Variants in EPB41L2 observed in about 807,000 individuals in gnomAD.
EPB41L2 encodes erythrocyte membrane protein band 4.1 like 2, also known as band 4.1-like protein 2.
Under a neutral mutation model 113.0 loss-of-function variants are expected in EPB41L2, and 43 were observed. That is an observed-to-expected ratio of 0.38 (90% CI 0.30 to 0.49). The LOEUF is 0.49. Ranked by LOEUF, EPB41L2 falls within the 20% of genes least tolerant of loss-of-function variation. The probability of loss-of-function intolerance (pLI) is 0.95; values close to 1 mark genes in which losing one functional copy is unlikely to be tolerated. For synonymous variants in EPB41L2, 442 were observed against 436.7 expected (o/e 1.01, Z -0.15); for missense variants, 1,147 against 1,223.4 (o/e 0.94, Z 0.93).
chr6:130,855,555 T>C (rs1291190686), intron 19 of EPB41L2, among the ~76,000 whole-genome samples: 3 of 152,162 alleles, frequency 2.0e-5, no homozygotes, highest in East Asian at 1.9e-4. Flanking sequence ...TTGCTAGATA[T>C]AAGATAAATA....
At position 130,870,073 on chromosome 6, in the gene EPB41L2, C is replaced by T; in HGVS notation, c.2097G>A (p.Gly699=). Residue 699 remains glycine, a synonymous_variant, in exon 15 of 20, where the codon GGG becomes GGA. Transcript: ENST00000337057. ...IVEEKKRAEV[G]KDERVITEEM... ...CTTCTGTGATTACTCTTTCGTCTTTCCCAACCTCTGCCCGCTTCTTCTCCT... is the reference window on the plus strand; with the variant it reads ...CTTCTGTGATTACTCTTTCGTCTTTTCCAACCTCTGCCCGCTTCTTCTCCT... The T allele has an allele frequency of 6.2e-7, 1 of 1,614,046 alleles. No homozygotes were observed. Among genetic ancestry groups the T allele is most frequent in the South Asian group, 1.1e-5 (1 of 91,060 alleles).
chr6:131,062,802 C>T (rs1016181895), intron 1 of EPB41L2, among the ~76,000 whole-genome samples: 1 of 151,994 alleles, frequency 6.6e-6, no homozygotes, highest in Non-Finnish European at 1.5e-5. Flanking sequence ...GTGCCCCCGC[C>T]TTTCCTGGCT....
chr6:130,962,389 T>C (rs2128635324), intron 1 of EPB41L2, among the ~76,000 whole-genome samples: 1 of 152,280 alleles, frequency 6.6e-6, no homozygotes, highest in African/African-American at 2.4e-5. Context: ...AAGTAAGTCC[T>C]TACCCTCACA....
chr6:130,974,318 G>A (rs2327004), intron 1 of EPB41L2, among the ~76,000 whole-genome samples: 1 of 152,150 alleles, frequency 6.6e-6, no homozygotes, highest in Admixed American at 6.5e-5. Context: ...ACAACTTAGA[G>A]TAACTGTGAG....
intron 1 of EPB41L2, among the ~76,000 whole-genome samples, chr6:130,964,025 CCT>C: frequency 6.8e-6 from 1 of 146,114 alleles, no homozygotes; most frequent in African/African-American, 2.7e-5. Context: ...CTTTTCTTTT[CCT>C]TTTTTTTTTT....
intron 1 of EPB41L2, among the ~76,000 whole-genome samples, chr6:130,977,107 G>A (rs1007199453): frequency 2.0e-5 from 3 of 152,098 alleles, no homozygotes; most frequent in South Asian, 2.1e-4. Flanking sequence ...GCTACCACTC[G>A]GTCATAATGA....
At chr6:131,060,833 T>G (rs1798508299) in intron 1 of EPB41L2, among the ~76,000 whole-genome samples, 2 of 152,190 alleles carry the variant, frequency 1.3e-5, no homozygotes, top group Admixed American at 1.3e-4. Context: ...TCCCCTAAAT[T>G]AAATTTGCTT....
At chr6:130,955,603 A>G (rs1047201585) in intron 2 of EPB41L2, among the ~76,000 whole-genome samples, 1 of 152,200 alleles carries the variant, frequency 6.6e-6, no homozygotes, top group Non-Finnish European at 1.5e-5. Context: ...AACATTTCCA[A>G]TTAAAATCTT....
intron 1 of EPB41L2, among the ~76,000 whole-genome samples, chr6:131,010,312 T>C (rs980358240): frequency 3.9e-5 from 6 of 152,104 alleles, no homozygotes; most frequent in African/African-American, 1.4e-4. Flanking sequence ...GAATTCCAGG[T>C]GCTACAAGAG....
intron 1 of EPB41L2, among the ~76,000 whole-genome samples, chr6:131,032,694 G>A (rs1792430222): frequency 6.6e-6 from 1 of 152,132 alleles, no homozygotes; most frequent in South Asian, 2.1e-4. Flanking sequence ...GTTAAAAACT[G>A]TATGAAAGAG....
At chr6:131,058,200 T>C (rs1453206959) in intron 1 of EPB41L2, among the ~76,000 whole-genome samples, 1 of 83,132 alleles carries the variant, frequency 1.2e-5, no homozygotes, top group African/African-American at 4.9e-5. Context: ...ATTGCAATCT[T>C]TGAAGAAAAA....
At chr6:130,980,442 G>C (rs1197519687) in intron 1 of EPB41L2, among the ~76,000 whole-genome samples, 1 of 152,006 alleles carries the variant, frequency 6.6e-6, no homozygotes, top group African/African-American at 2.4e-5. Flanking sequence ...CAAAACCACA[G>C]AGAAGAGTTT....
At chr6:130,843,957 C>G (rs1341729419) in intron 19 of EPB41L2, among the ~76,000 whole-genome samples, 6 of 152,104 alleles carry the variant, frequency 3.9e-5, no homozygotes, top group African/African-American at 1.4e-4. Flanking sequence ...TGATCTTGCC[C>G]GAAAAGCACA....
chr6:130,847,744 A>C (rs1350026955), intron 19 of EPB41L2, among the ~76,000 whole-genome samples: 2 of 152,196 alleles, frequency 1.3e-5, no homozygotes, highest in East Asian at 3.8e-4. Context: ...CCGTAACACA[A>C]GTTTCTAAAA....
chr6:130,987,287 C>T (rs2327005), intron 1 of EPB41L2, among the ~76,000 whole-genome samples: 127,830 of 152,224 alleles, frequency 0.84, 54,343 homozygotes, highest in East Asian at 1. Flanking sequence ...TGTTAAGTTT[C>T]TGAGGACACA....
intron 1 of EPB41L2, among the ~76,000 whole-genome samples, chr6:130,997,609 C>T (rs536440002): frequency 6.6e-6 from 1 of 152,322 alleles, no homozygotes; most frequent in Admixed American, 6.5e-5. Flanking sequence ...CAATTTAACA[C>T]AGCACAAGGC....
intron 3 of EPB41L2, among the ~76,000 whole-genome samples, chr6:130,948,308 GGTA>G (rs1383823713): frequency 6.6e-6 from 1 of 152,096 alleles, no homozygotes; most frequent in Non-Finnish European, 1.5e-5. Context: ...ATTCCCTACA[GGTA>G]GTAGATCATA....
chr6:131,007,904 A>C (rs1322577204), intron 1 of EPB41L2, among the ~76,000 whole-genome samples: 1 of 152,230 alleles, frequency 6.6e-6, no homozygotes, highest in Non-Finnish European at 1.5e-5. Context: ...AGGTGGTTTA[A>C]AATTTGAATT....
At chr6:130,987,861 C>G (rs1208651538) in intron 1 of EPB41L2, among the ~76,000 whole-genome samples, 1 of 150,968 alleles carries the variant, frequency 6.6e-6, no homozygotes, top group African/African-American at 2.4e-5. Context: ...ACCTATAATC[C>G]CAATACTTTG....
Sources: allele counts gnomAD v4.1 joint callset (sites outside exome capture counted in the v4.1 genomes callset), GRCh38; gene constraint gnomAD v4.1.1; transcripts MANE v1.5; gene names NCBI Gene and HGNC (gene_info 2026-07-23, HGNC 2026-07-21).